Variants in UBE3D observed in about 807,000 individuals in gnomAD.
UBE3D encodes ubiquitin protein ligase E3D.
In UBE3D, 48 loss-of-function variants were observed where a neutral mutation model predicts 49.6. That is an observed-to-expected ratio of 0.97 (90% CI 0.77 to 1.23). The LOEUF (loss-of-function observed/expected upper bound fraction) is 1.23, where lower values mean the gene tolerates loss of function less well. UBE3D is among the 50% of genes most tolerant of loss of function. UBE3D has a pLI of 0.00. For missense variants in UBE3D, 452 were observed against 468.4 expected (o/e 0.96, Z 0.32); for synonymous variants, 189 against 174.2 (o/e 1.08, Z -0.67).
chr6:82,899,593 T>G (rs930959298), intron 9 of UBE3D, among the ~76,000 whole-genome samples: 1 of 152,162 alleles, frequency 6.6e-6, no homozygotes, highest in Non-Finnish European at 1.5e-5. Context: ...TTAAGAGATG[T>G]GTATGTGGCA....
At chr6:83,041,202 C>G (rs995470411) in intron 4 of UBE3D, among the ~76,000 whole-genome samples, 4 of 152,002 alleles carry the variant, frequency 2.6e-5, no homozygotes, top group African/African-American at 9.7e-5. Context: ...TTTTCAAGTG[C>G]TTTGATATGT....
At chr6:83,009,509 G>A (rs1293602725) in intron 8 of UBE3D, among the ~76,000 whole-genome samples, 1 of 150,180 alleles carries the variant, frequency 6.7e-6, no homozygotes, top group African/African-American at 2.4e-5. Context: ...TGAAAGAGAG[G>A]TACCAAACTT....
intron 5 of UBE3D, among the ~76,000 whole-genome samples, chr6:83,025,119 T>A (rs890517577): frequency 1.3e-5 from 2 of 152,210 alleles, no homozygotes; most frequent in Non-Finnish European, 2.9e-5. Context: ...ATTCCAATTG[T>A]TGCCTTGCTT....
At chr6:82,927,139 T>C (rs1005600409) in intron 9 of UBE3D, among the ~76,000 whole-genome samples, 4 of 152,070 alleles carry the variant, frequency 2.6e-5, no homozygotes, top group Admixed American at 2.6e-4. Flanking sequence ...TTTGCTTCTC[T>C]GTCAAAGATC....
chr6:82,944,565 T>C (rs1582424818), intron 9 of UBE3D, among the ~76,000 whole-genome samples: 2 of 152,230 alleles, frequency 1.3e-5, no homozygotes, highest in Admixed American at 6.5e-5. Context: ...GAAACTCCTT[T>C]TGCTTGAGGA....
rs1239924293 is a variant in UBE3D at position 83,048,077 on chromosome 6, C to A, written c.366-3418G>T. Among the ~76,000 whole-genome samples the A allele has an allele frequency of 7.6e-5, 3 of 39,656 alleles. No individual in the cohort carries two copies. The East Asian group carries it at 2.5e-3, about 32-fold the overall frequency. The allele number at this position is 39,656 out of a possible 152,430, so 26.0% of individuals were successfully genotyped here. On this transcript the variant is annotated intron_variant, in intron 3 of 9. Coordinates refer to ENST00000369747, the MANE Select transcript of UBE3D (RefSeq NM_198920.3). ...AGCCTGGGCAACAGGGAGACTCCAGCTCAAAAAAAAAAAAAAAAAAAAAAA... is the reference window on the plus strand; with the variant it reads ...AGCCTGGGCAACAGGGAGACTCCAGATCAAAAAAAAAAAAAAAAAAAAAAA...
intron 9 of UBE3D, among the ~76,000 whole-genome samples, chr6:82,921,975 T>C (rs777053026): frequency 2.6e-5 from 4 of 152,132 alleles, no homozygotes; most frequent in Non-Finnish European, 4.4e-5. Context: ...ATGGGAAGAT[T>C]TGAAAAACAA....
At chr6:82,903,003 A>T (rs1176268315) in intron 9 of UBE3D, among the ~76,000 whole-genome samples, 1 of 152,182 alleles carries the variant, frequency 6.6e-6, no homozygotes, top group African/African-American at 2.4e-5. Flanking sequence ...GTGTGAGTAG[A>T]TCTCTGTCTC....
intron 9 of UBE3D, among the ~76,000 whole-genome samples, chr6:82,931,892 TC>T (rs1275932519): frequency 4.9e-4 from 74 of 152,232 alleles, no homozygotes; most frequent in African/African-American, 1.6e-3. Flanking sequence ...CACTGAAATC[TC>T]ATCTTGAATT....
chr6:82,933,389 T>C (rs1261740308), intron 9 of UBE3D, among the ~76,000 whole-genome samples: 1 of 152,210 alleles, frequency 6.6e-6, no homozygotes, highest in Non-Finnish European at 1.5e-5. Context: ...TTTCATTGCA[T>C]GCAACTCTAA....
At chr6:83,024,828 A>G (rs1228150240) in intron 5 of UBE3D, among the ~76,000 whole-genome samples, 2 of 152,262 alleles carry the variant, frequency 1.3e-5, no homozygotes, top group South Asian at 4.1e-4. Context: ...GAAGCCTGGG[A>G]GAAAGATTAA....
intron 8 of UBE3D, among the ~76,000 whole-genome samples, chr6:83,010,081 C>G (rs188586084): frequency 5.2e-4 from 79 of 151,982 alleles, no homozygotes; most frequent in African/African-American, 1.8e-3. Flanking sequence ...AGCAAGAAGA[C>G]AAACATGAAT....
chr6:82,943,057 T>G (rs920166057), intron 9 of UBE3D, among the ~76,000 whole-genome samples: 6 of 152,226 alleles, frequency 3.9e-5, no homozygotes, highest in Non-Finnish European at 8.8e-5. Context: ...AGCTCACCTC[T>G]TGCCTCAGCA....
At chr6:83,033,925 A>C (rs562957480) in intron 5 of UBE3D, among the ~76,000 whole-genome samples, 1 of 152,294 alleles carries the variant, frequency 6.6e-6, no homozygotes. Flanking sequence ...TTCCTGCCTA[A>C]GTTGGGAAGA....
intron 5 of UBE3D, among the ~76,000 whole-genome samples, chr6:83,024,312 A>C (rs933505833): frequency 2.0e-5 from 3 of 152,180 alleles, no homozygotes; most frequent in Non-Finnish European, 2.9e-5. Context: ...GTCACATCAC[A>C]GGCATAGTGC....
rs367671631 is a variant in UBE3D, at chr6:83,065,758, C to T, written c.-40G>A. ...CCCAGACCGGACCAAGCTGGAGGTTCCGAGGGGCCCGGGTCAACAGGACCA... is the reference window on the plus strand; with the variant it reads ...CCCAGACCGGACCAAGCTGGAGGTTTCGAGGGGCCCGGGTCAACAGGACCA... On this transcript the variant is annotated 5_prime_UTR_variant, in exon 1 of 10. Transcript: ENST00000369747. 1 of 1,576,208 alleles carries T rather than the reference C, an allele frequency of 6.3e-7. No individual in the cohort carries two copies. Among genetic ancestry groups the T allele is most frequent in the Admixed American group, 1.8e-5 (1 of 55,448 alleles).
At chr6:82,912,423 G>C (rs146840629) in intron 9 of UBE3D, among the ~76,000 whole-genome samples, 1,589 of 151,696 alleles carry the variant, frequency 0.01, 14 homozygotes, top group Admixed American at 0.018. Context: ...CTTTCTTTGA[G>C]CTATTAAACT....
At chr6:82,944,422 AC>A (rs1775250063) in intron 9 of UBE3D, among the ~76,000 whole-genome samples, 1 of 152,126 alleles carries the variant, frequency 6.6e-6, no homozygotes, top group Admixed American at 6.5e-5. Flanking sequence ...TCATCTGATG[AC>A]TAAAGAGCCC....
chr6:82,959,717 CAAAAAAAAAA>C (rs778278435), intron 8 of UBE3D, among the ~76,000 whole-genome samples: 21 of 37,726 alleles, frequency 5.6e-4, no homozygotes, highest in Middle Eastern at 0.023. Context: ...GTGAGACCTC[CAAAAAAAAAA>C]AAAAAAAAAA....
Sources: gnomAD v4.1 joint callset for allele counts (sites outside exome capture counted in the v4.1 genomes callset) on GRCh38, gnomAD v4.1.1 for gene constraint, MANE v1.5 for transcripts, NCBI Gene and HGNC (gene_info 2026-07-23, HGNC 2026-07-21) for gene names.